Variants in HECW1 observed in about 807,000 individuals in gnomAD.
HECW1 encodes the protein E3 ubiquitin-protein ligase HECW1.
HECW1 carries 61 observed loss-of-function variants against 182.3 expected under a neutral mutation model. The ratio of observed to expected loss-of-function variants is 0.33; its 90% CI spans 0.27 to 0.41. The LOEUF (loss-of-function observed/expected upper bound fraction) is 0.41, where lower values mean the gene tolerates loss of function less well. Ranked by LOEUF, HECW1 falls within the 10% of genes least tolerant of loss-of-function variation. The pLI is 1.00. For synonymous variants in HECW1, 859 were observed against 832.6 expected (o/e 1.03, Z -0.55); for missense variants, 1,739 against 2,108.9 (o/e 0.82, Z 3.44).
chr7:43,532,182 T>G (rs1202821519), intron 24 of HECW1, among the ~76,000 whole-genome samples: 1 of 152,050 alleles, frequency 6.6e-6, no homozygotes, highest in Non-Finnish European at 1.5e-5. Context: ...TCCTGGTGCC[T>G]CTCTTTTTCT....
At chr7:43,501,183 C>CTTTTTTTTTTT (rs567367189) in intron 20 of HECW1, 30 bp from the exon 21 acceptor site, 237 of 746,496 alleles carry the variant, frequency 3.2e-4, no homozygotes, top group South Asian at 1.2e-3. Context: ...TCTTTTCTTT[C>CTTTTTTTTTTT]TTTTTTTTTT....
At chr7:43,357,980 T>C (rs1418608871) in intron 5 of HECW1, among the ~76,000 whole-genome samples, 1 of 152,192 alleles carries the variant, frequency 6.6e-6, no homozygotes, top group Non-Finnish European at 1.5e-5. Flanking sequence ...TATGCACTGA[T>C]CTTTTCATCT....
In HECW1 at chr7:43,466,358, T is replaced by C. The variant is rs2077779252; in HGVS notation, c.2792-89T>C. ...AACAGTCTGCTGTGTGGGTGAAGGC[T>C]TGTGTGCTGCCACTGTCAGGAGCGA... On this transcript the variant is annotated intron_variant, in intron 14 of 29. Transcript: ENST00000395891. The C allele has an allele frequency of 5.2e-6, 7 of 1,358,810 alleles. 1 individual carries two copies. In the East Asian group the frequency reaches 1.6e-4, roughly 31 times the overall value. The allele number at this position is 1,358,810 out of a possible 1,614,324, so 84.2% of individuals were successfully genotyped here.
chr7:43,514,301 CTT>C (rs59223768), intron 24 of HECW1, among the ~76,000 whole-genome samples: 7 of 140,440 alleles, frequency 5.0e-5, no homozygotes, highest in Non-Finnish European at 3.1e-5. Context: ...CTTTTCTTTT[CTT>C]TTTTTTTTTT....
intron 17 of HECW1, among the ~76,000 whole-genome samples, chr7:43,483,566 T>TTTTTTG (rs2078516048): frequency 6.7e-6 from 1 of 149,042 alleles, no homozygotes; most frequent in African/African-American, 2.5e-5. Context: ...TTTTTTTTTT[T>TTTTTTG]GAGCTAGAGT....
intron 5 of HECW1, among the ~76,000 whole-genome samples, chr7:43,349,192 G>A (rs1216691600): frequency 6.6e-6 from 1 of 151,956 alleles, no homozygotes; most frequent in Non-Finnish European, 1.5e-5. Context: ...GCGCCACCAC[G>A]CCCGGCTAAT....
chr7:43,374,773 CAAAAAAAAA>C (rs66910107), intron 6 of HECW1, among the ~76,000 whole-genome samples: 1 of 14,502 alleles, frequency 6.9e-5, no homozygotes, highest in Admixed American at 1.2e-3. Context: ...GACTCCGTCT[CAAAAAAAAA>C]AAAAAAAAAA....
intron 2 of HECW1, among the ~76,000 whole-genome samples, chr7:43,158,978 T>C (rs767040565): frequency 6.6e-6 from 1 of 152,004 alleles, no homozygotes; most frequent in African/African-American, 2.4e-5. Flanking sequence ...TCTGATTGAG[T>C]AGGTGGGAAA....
At chr7:43,198,547 T>A (rs188851499) in intron 2 of HECW1, among the ~76,000 whole-genome samples, 345 of 140,706 alleles carry the variant, frequency 2.5e-3, no homozygotes, top group African/African-American at 8.9e-3. Flanking sequence ...CTCCACACTC[T>A]CACACACCCT....
At chr7:43,448,794 A>C (rs1285238639) in intron 11 of HECW1, among the ~76,000 whole-genome samples, 1 of 152,262 alleles carries the variant, frequency 6.6e-6, no homozygotes, top group East Asian at 1.9e-4. Context: ...TATTATTTAT[A>C]AATAGAAGGG....
rs186854783 is a variant in HECW1, at chr7:43,528,209, A to G, written c.4020-12954A>G. 3.9e-3 allele frequency among the ~76,000 whole-genome samples: 600 copies of G among 152,028 alleles called. 3 individuals are homozygous for G. The highest frequency in any genetic ancestry group is 7.6e-3 in the Admixed American group (116 of 15,274). On this transcript the variant is annotated intron_variant, in intron 24 of 29. Coordinates refer to ENST00000395891, the MANE Select transcript of HECW1 (RefSeq NM_015052.5). ...TGATATCGCAAAACAAAATATTTCA[A>G]CTCTCCCAGTAAAGAATATTTGGAA... is the stretch of plus-strand genomic sequence containing the variant.
chr7:43,130,241 G>T lies in HECW1; in HGVS notation c.-32+15850G>T, dbSNP rs146876508. Among the ~76,000 whole-genome samples the T allele has an allele frequency of 6.5e-3, 995 of 152,272 alleles. 12 individuals are homozygous for T. The highest frequency in any genetic ancestry group is 0.023 in the African/African-American group (952 of 41,560). On this transcript the variant is annotated intron_variant, in intron 2 of 29. Transcript: ENST00000395891. ...CAGGTTGAGTATCCCTTACCAAAAT[G>T]CTTGGGCCTAGAGTGTTTCAAATTT...
intron 2 of HECW1, among the ~76,000 whole-genome samples, chr7:43,178,331 A>G (rs1014344929): frequency 6.6e-6 from 1 of 152,072 alleles, no homozygotes; most frequent in Non-Finnish European, 1.5e-5. Flanking sequence ...AACTATCCCC[A>G]TGGACCGAGC....
chr7:43,204,096 A>G (rs1311234075), intron 2 of HECW1, among the ~76,000 whole-genome samples: 1 of 152,226 alleles, frequency 6.6e-6, no homozygotes, highest in Non-Finnish European at 1.5e-5. Flanking sequence ...TTCTTGGCAG[A>G]TTATGGTTAG....
intron 6 of HECW1, among the ~76,000 whole-genome samples, chr7:43,392,566 C>T (rs1049603211): frequency 3.3e-5 from 5 of 152,126 alleles, no homozygotes; most frequent in African/African-American, 1.2e-4. Flanking sequence ...ATGATGTTCC[C>T]AGGCAGGCAC....
chr7:43,469,553 C>T (rs549685282), intron 16 of HECW1, among the ~76,000 whole-genome samples: 2 of 152,288 alleles, frequency 1.3e-5, no homozygotes, highest in South Asian at 4.1e-4. Context: ...TTCTCTAATA[C>T]ACCTTAAGTT....
intron 2 of HECW1, among the ~76,000 whole-genome samples, chr7:43,175,538 C>G (rs1305476895): frequency 6.6e-6 from 1 of 152,070 alleles, no homozygotes; most frequent in Non-Finnish European, 1.5e-5. Context: ...CAGTGCTGAC[C>G]GAGTTAGGAG....
At chr7:43,470,308 C>T (rs772171960) in intron 16 of HECW1, among the ~76,000 whole-genome samples, 2 of 152,132 alleles carry the variant, frequency 1.3e-5, no homozygotes, top group South Asian at 2.1e-4. Context: ...CGGGTAGCCA[C>T]GTTTACATTT....
chr7:43,186,659 A>C (rs1053566841), intron 2 of HECW1, among the ~76,000 whole-genome samples: 8 of 126,032 alleles, frequency 6.3e-5, no homozygotes, highest in Admixed American at 9.1e-5. Context: ...ACAGAGCGAG[A>C]CTCCGTCTCA....
Sources: gnomAD v4.1 joint callset for allele counts (sites outside exome capture counted in the v4.1 genomes callset) on GRCh38, gnomAD v4.1.1 for gene constraint, MANE v1.5 for transcripts, NCBI Gene and HGNC (gene_info 2026-07-23, HGNC 2026-07-21) for gene names.